ZNF423: variants seen among roughly 807,000 people sequenced by gnomAD.
ZNF423 encodes the protein Ebf-associated zinc finger protein.
Under a neutral mutation model 95.8 loss-of-function variants are expected in ZNF423, and 12 were observed. The observed-to-expected ratio is 0.13, with a 90% CI of 0.08 to 0.20. ZNF423 has a LOEUF of 0.20. Ranked by LOEUF, ZNF423 falls within the 10% of genes least tolerant of loss-of-function variation. ZNF423 has a pLI of 1.00. For synonymous variants in ZNF423, 749 were observed against 711.9 expected (o/e 1.05, Z -0.83); for missense variants, 1,316 against 1,737.1 (o/e 0.76, Z 4.31).
At chr16:49,810,840 TG>T (rs2034739281) in intron 1 of ZNF423, among the ~76,000 whole-genome samples, 1 of 152,136 alleles carries the variant, frequency 6.6e-6, no homozygotes, top group Non-Finnish European at 1.5e-5. Flanking sequence ...TCAACACAAA[TG>T]GGACCTGGGG....
chr16:49,624,890 G>A (rs967456787), intron 5 of ZNF423, among the ~76,000 whole-genome samples: 8 of 152,202 alleles, frequency 5.3e-5, no homozygotes, highest in Non-Finnish European at 1.0e-4. Flanking sequence ...CTGAAATGCT[G>A]GAAATAGTCT....
intron 5 of ZNF423, among the ~76,000 whole-genome samples, chr16:49,596,267 C>T (rs987496600): frequency 6.6e-6 from 1 of 152,150 alleles, no homozygotes; most frequent in African/African-American, 2.4e-5. Flanking sequence ...CAAAGGAGCA[C>T]GGGCTTTGAA....
intron 3 of ZNF423, among the ~76,000 whole-genome samples, chr16:49,663,745 C>G (rs1175824995): frequency 6.6e-6 from 1 of 152,184 alleles, no homozygotes; most frequent in East Asian, 1.9e-4. Context: ...GGGTGGGGCA[C>G]AGAGGGAAGG....
intron 7 of ZNF423, among the ~76,000 whole-genome samples, chr16:49,512,408 AAAG>A (rs1349127637): frequency 6.6e-6 from 1 of 152,206 alleles, no homozygotes; most frequent in Non-Finnish European, 1.5e-5. Flanking sequence ...AGTACCAAAC[AAAG>A]AAGGGCTCTT....
intron 3 of ZNF423, among the ~76,000 whole-genome samples, chr16:49,677,242 A>AGAAGAGAAGAGAAGAGAAGG (rs1567283815): frequency 7.1e-5 from 1 of 14,092 alleles, no homozygotes; most frequent in Non-Finnish European, 1.4e-4. Flanking sequence ...AGAAGAGAAG[A>AGAAGAGAAGAGAAGAGAAGG]GAAGATAAGA....
At chr16:49,631,950 A>ATGAG (rs2151874906) in intron 4 of ZNF423, among the ~76,000 whole-genome samples, 1 of 152,296 alleles carries the variant, frequency 6.6e-6, no homozygotes, top group South Asian at 2.1e-4. Flanking sequence ...TGCCATTCTC[A>ATGAG]GCTCCATGTC....
chr16:49,830,719 G>T (rs901407018), intron 1 of ZNF423, among the ~76,000 whole-genome samples: 1 of 152,138 alleles, frequency 6.6e-6, no homozygotes, highest in African/African-American at 2.4e-5. Flanking sequence ...AGACAAATCC[G>T]AGGGCACCAG....
intron 3 of ZNF423, among the ~76,000 whole-genome samples, chr16:49,680,473 T>C (rs773577084): frequency 6.6e-6 from 1 of 152,184 alleles, no homozygotes; most frequent in Non-Finnish European, 1.5e-5. Flanking sequence ...TTGCAGGCAA[T>C]GAGAAGGACA....
intron 3 of ZNF423, among the ~76,000 whole-genome samples, chr16:49,680,751 G>T (rs918561484): frequency 6.6e-6 from 1 of 152,216 alleles, no homozygotes; most frequent in Non-Finnish European, 1.5e-5. Flanking sequence ...CTTGCCTCAC[G>T]GCTCTGCACC....
intron 5 of ZNF423, among the ~76,000 whole-genome samples, chr16:49,604,235 C>A (rs1971463853): frequency 6.6e-6 from 1 of 152,244 alleles, no homozygotes; most frequent in Admixed American, 6.5e-5. Flanking sequence ...ACTGACATTT[C>A]ATCACATCTG....
chr16:49,649,066 C>T (rs980233036), intron 3 of ZNF423, among the ~76,000 whole-genome samples: 2 of 152,044 alleles, frequency 1.3e-5, no homozygotes, highest in African/African-American at 4.8e-5. Context: ...AGAGAGAGTA[C>T]AGGATGAAAG....
chr16:49,769,014 C>A (rs1019860006), intron 2 of ZNF423, among the ~76,000 whole-genome samples: 2 of 152,176 alleles, frequency 1.3e-5, no homozygotes, highest in Admixed American at 6.5e-5. Context: ...TTCCTCAGCT[C>A]CTCTCCTTTT....
At position 49,677,769 on chromosome 16, in the gene ZNF423, AGAGAG is replaced by A. The variant is rs758502948; in HGVS notation, c.302-38900_302-38896del. Among the ~76,000 whole-genome samples the A allele has an allele frequency of 5.0e-3, 558 of 111,976 alleles. 5 individuals carry two copies. Among genetic ancestry groups the A allele is most frequent in the African/African-American group, 0.022 (515 of 23,732 alleles). 73.5% of individuals were successfully genotyped at this position (111,976 alleles called of 152,430 possible). A position where few individuals can be genotyped will look rare whatever the true frequency, so the allele number is the denominator to read the frequency against. On this transcript the variant is annotated intron_variant, in intron 3 of 7. Transcript: ENST00000563137. ...ACCCTGTCTCAAAAAAAAAAAAAAA[AGAGAG>A]AGAGAGAGAGAGAATGATTAGAAAT...
intron 3 of ZNF423, among the ~76,000 whole-genome samples, chr16:49,675,204 G>T (rs2030994744): frequency 6.6e-6 from 1 of 152,158 alleles, no homozygotes; most frequent in African/African-American, 2.4e-5. Flanking sequence ...GCTTCCTCTA[G>T]CTGTTGACTC....
intron 5 of ZNF423, among the ~76,000 whole-genome samples, chr16:49,532,897 G>C (rs1670322060): frequency 6.6e-6 from 1 of 152,124 alleles, no homozygotes; most frequent in African/African-American, 2.4e-5. Flanking sequence ...AACCGACATC[G>C]CATGTGCAAA....
intron 3 of ZNF423, among the ~76,000 whole-genome samples, chr16:49,640,429 C>T (rs1016713742): frequency 2.6e-4 from 39 of 152,206 alleles, no homozygotes; most frequent in Non-Finnish European, 3.5e-4. Flanking sequence ...CACACACACA[C>T]ACACATCACA....
At chr16:49,568,259 A>AC (rs1970254403) in intron 5 of ZNF423, among the ~76,000 whole-genome samples, 1 of 152,160 alleles carries the variant, frequency 6.6e-6, no homozygotes. Flanking sequence ...ACACCATGGA[A>AC]CTGCCAGCTA....
chr16:49,815,881 A>AAATAT (rs1185501557), intron 1 of ZNF423, among the ~76,000 whole-genome samples: 14 of 47,598 alleles, frequency 2.9e-4, no homozygotes, highest in East Asian at 8.6e-4. Context: ...AAAAAAAAAA[A>AAATAT]ATATATATAT....
intron 1 of ZNF423, among the ~76,000 whole-genome samples, chr16:49,853,301 C>CGGGG (rs146210483): frequency 3.3e-4 from 26 of 78,412 alleles, no homozygotes; most frequent in African/African-American, 1.1e-3. Flanking sequence ...AGGGGCGGGG[C>CGGGG]GGGGGGGGAG....
Sources: gnomAD v4.1 joint callset for allele counts (sites outside exome capture counted in the v4.1 genomes callset) on GRCh38, gnomAD v4.1.1 for gene constraint, MANE v1.5 for transcripts, NCBI Gene and HGNC (gene_info 2026-07-23, HGNC 2026-07-21) for gene names.